Variants in RAD51B observed in about 807,000 individuals in gnomAD.
RAD51B encodes DNA repair protein RAD51 homolog 2.
RAD51B carries 38 observed loss-of-function variants against 42.2 expected under a neutral mutation model. That is an observed-to-expected ratio of 0.90 (90% CI 0.70 to 1.18). The LOEUF (loss-of-function observed/expected upper bound fraction) is 1.18, where lower values mean the gene tolerates loss of function less well. RAD51B is among the 50% of genes most tolerant of loss of function. The pLI, the probability that RAD51B is intolerant of heterozygous loss-of-function variation, is 0.00. For synonymous variants in RAD51B, 154 were observed against 145.2 expected, an observed-to-expected ratio of 1.06 and a Z score of -0.43; for missense variants, 373 against 400.7, an observed-to-expected ratio of 0.93 and a Z score of 0.59.
intron 7 of RAD51B, among the ~76,000 whole-genome samples, chr14:68,076,273 G>A (rs531811311): frequency 8.9e-5 from 12 of 135,162 alleles, no homozygotes; most frequent in African/African-American, 1.4e-4. Context: ...CACAGATGGA[G>A]GAGCTATAAG....
intron 5 of RAD51B, among the ~76,000 whole-genome samples, chr14:67,870,373 CA>C (rs1436129182): frequency 1.1e-4 from 17 of 150,630 alleles, no homozygotes. Flanking sequence ...ATCAATTCAA[CA>C]AGAAGAGCTA....
intron 5 of RAD51B, among the ~76,000 whole-genome samples, chr14:67,871,017 A>G (rs1220284689): frequency 1.3e-5 from 2 of 151,978 alleles, no homozygotes; most frequent in African/African-American, 2.4e-5. Context: ...TAACATCACA[A>G]TTAAAGGAAC....
chr14:68,679,450 C>T (rs1270935901), intron 11 of RAD51B, among the ~76,000 whole-genome samples: 2 of 152,228 alleles, frequency 1.3e-5, no homozygotes, highest in Non-Finnish European at 2.9e-5. Context: ...CTTGGGCAAA[C>T]TACTTTACCT....
intron 7 of RAD51B, among the ~76,000 whole-genome samples, chr14:68,082,100 A>G (rs775166705): frequency 4.6e-5 from 7 of 151,960 alleles, no homozygotes; most frequent in Non-Finnish European, 7.4e-5. Context: ...AGCTGGGACT[A>G]CAAGTGCATG....
At chr14:68,017,746 G>T in intron 7 of RAD51B, among the ~76,000 whole-genome samples, 1 of 151,948 alleles carries the variant, frequency 6.6e-6, no homozygotes. Context: ...GCCAAGGCAG[G>T]CAGATCACGA....
intron 10 of RAD51B, among the ~76,000 whole-genome samples, chr14:68,496,738 G>C (rs1406903223): frequency 6.6e-6 from 1 of 152,204 alleles, no homozygotes; most frequent in African/African-American, 2.4e-5. Flanking sequence ...ATAGGAGGAG[G>C]TCAAAATATC....
intron 11 of RAD51B, among the ~76,000 whole-genome samples, chr14:68,675,439 A>G (rs1893284061): frequency 6.6e-6 from 1 of 152,164 alleles, no homozygotes; most frequent in African/African-American, 2.4e-5. Flanking sequence ...TTAGGCATCT[A>G]GGATATGCCT....
chr14:68,524,054 A>G (rs1197438599), intron 10 of RAD51B, among the ~76,000 whole-genome samples: 1 of 152,142 alleles, frequency 6.6e-6, no homozygotes, highest in East Asian at 1.9e-4. Context: ...TTTACCAAGT[A>G]CCAGACACTG....
intron 7 of RAD51B, among the ~76,000 whole-genome samples, chr14:68,073,221 A>G (rs1376188116): frequency 6.6e-6 from 1 of 152,202 alleles, no homozygotes; most frequent in Non-Finnish European, 1.5e-5. Flanking sequence ...GGGTGCATAT[A>G]TATTTAGGAT....
intron 10 of RAD51B, chr14:68,541,446 C>G: frequency 1.0e-6 from 1 of 985,414 alleles, no homozygotes; most frequent in Non-Finnish European, 1.2e-6. Flanking sequence ...ATTAATCATG[C>G]CTGTCAGGAG....
intron 10 of RAD51B, among the ~76,000 whole-genome samples, chr14:68,567,390 C>A (rs940773880): frequency 2.0e-5 from 3 of 152,106 alleles, no homozygotes; most frequent in Admixed American, 6.6e-5. Flanking sequence ...TTCTCATATA[C>A]CCCTGTCCCC....
intron 10 of RAD51B, chr14:68,563,987 A>G: frequency 2.2e-6 from 2 of 928,010 alleles, no homozygotes; most frequent in South Asian, 5.0e-5. Context: ...CCTTTTCATT[A>G]TGTGCCAAAG....
chr14:68,334,339 A>G (rs148907766), intron 8 of RAD51B, among the ~76,000 whole-genome samples: 138 of 152,318 alleles, frequency 9.1e-4, no homozygotes, highest in African/African-American at 3.2e-3. Context: ...GAGAAAAGAA[A>G]ATGTTATTAA....
chr14:67,918,005 A>G (rs960147725), intron 7 of RAD51B, among the ~76,000 whole-genome samples: 2 of 152,196 alleles, frequency 1.3e-5, no homozygotes, highest in Non-Finnish European at 2.9e-5. Context: ...AGATTGCAAA[A>G]GGGAGATACT....
rs146577148 is a variant in RAD51B at position 68,660,389 on chromosome 14, T to TA, written c.*11+9538dup. ...TGCTTAGTCTTTCTGCTCTTCACTT[T>TA]AAAAAGGGATTTGTGAGAAGCTTGG... On this transcript the variant is annotated intron_variant, in intron 11 of 11. Coordinates refer to the RAD51B transcript ENST00000488612. Among the ~76,000 whole-genome samples the TA allele has an allele frequency of 4.7e-3, 715 of 152,336 alleles. 16 individuals carry two copies. The highest frequency in any genetic ancestry group is 0.025 in the East Asian group (132 of 5,188).
intron 7 of RAD51B, among the ~76,000 whole-genome samples, chr14:68,069,096 G>A (rs997892386): frequency 1.3e-5 from 2 of 151,966 alleles, no homozygotes; most frequent in African/African-American, 4.8e-5. Context: ...CTTTTTGTTC[G>A]TTTTTATGCC....
intron 7 of RAD51B, among the ~76,000 whole-genome samples, chr14:68,037,369 T>C (rs942235412): frequency 2.0e-5 from 3 of 150,968 alleles, no homozygotes; most frequent in Admixed American, 2.0e-4. Context: ...TACAGGCACG[T>C]GCCGCCACAC....
intron 5 of RAD51B, among the ~76,000 whole-genome samples, chr14:67,883,391 T>G (rs889368799): frequency 4.6e-5 from 7 of 151,504 alleles, no homozygotes; most frequent in African/African-American, 1.7e-4. Flanking sequence ...CTTGGCTAGC[T>G]CTTTGTTTTC....
chr14:68,345,229 A>G (rs1167963731), intron 8 of RAD51B, among the ~76,000 whole-genome samples: 1 of 152,180 alleles, frequency 6.6e-6, no homozygotes, highest in Non-Finnish European at 1.5e-5. Context: ...AGAACTATTG[A>G]GAAAGGATGA....
Sources: allele counts gnomAD v4.1 joint callset (sites outside exome capture counted in the v4.1 genomes callset), GRCh38; gene constraint gnomAD v4.1.1; transcripts MANE v1.5; gene names NCBI Gene and HGNC (gene_info 2026-07-23, HGNC 2026-07-21).